The following BBS9 variants were observed in gnomAD, a reference collection of about 807,000 sequenced individuals.
BBS9 encodes protein PTHB1.
BBS9 carries 89 observed loss-of-function variants against 117.7 expected under a neutral mutation model. That is an observed-to-expected ratio of 0.76 (90% confidence interval 0.64 to 0.90). BBS9 has a LOEUF of 0.90. BBS9 is among the 40% of genes least tolerant of loss of function. The probability of loss-of-function intolerance (pLI) is 0.00; values close to 1 mark genes in which losing one functional copy is unlikely to be tolerated. For synonymous variants in BBS9, 379 were observed against 370.9 expected (o/e 1.02, Z -0.25); for missense variants, 982 against 1,042.2 (o/e 0.94, Z 0.80).
intron 9 of BBS9, among the ~76,000 whole-genome samples, chr7:33,321,200 G>T (rs908553036): frequency 3.9e-5 from 6 of 151,928 alleles, no homozygotes; most frequent in Admixed American, 2.0e-4. Context: ...TCTTGCTCAG[G>T]ATAGCTTTGG....
intron 19 of BBS9, among the ~76,000 whole-genome samples, chr7:33,444,659 C>G (rs1372795988): frequency 5.9e-5 from 9 of 152,184 alleles, no homozygotes; most frequent in Middle Eastern, 3.2e-3. Context: ...AGAACGTGTA[C>G]TAAATGAGTG....
At chr7:33,418,544 C>T (rs1832365428) in intron 19 of BBS9, among the ~76,000 whole-genome samples, 2 of 152,170 alleles carry the variant, frequency 1.3e-5, no homozygotes, top group South Asian at 4.1e-4. Context: ...TGGATGAAAA[C>T]AAAGGCTGCC....
At chr7:33,371,221 T>C (rs1563077767) in intron 17 of BBS9, among the ~76,000 whole-genome samples, 1 of 152,176 alleles carries the variant, frequency 6.6e-6, no homozygotes, top group Admixed American at 6.5e-5. Context: ...ATTATAAAGA[T>C]TATGCTTAAG....
intron 19 of BBS9, among the ~76,000 whole-genome samples, chr7:33,457,895 G>A (rs1838877048): frequency 6.6e-6 from 1 of 152,102 alleles, no homozygotes; most frequent in African/African-American, 2.4e-5. Context: ...CCAAATAGTT[G>A]CCATTTATAG....
chr7:33,579,549 A>G (rs1859518598), intron 21 of BBS9, among the ~76,000 whole-genome samples: 1 of 152,176 alleles, frequency 6.6e-6, no homozygotes, highest in Admixed American at 6.6e-5. Context: ...CTCAAACATG[A>G]AAGAAGTTTC....
intron 21 of BBS9, among the ~76,000 whole-genome samples, chr7:33,611,901 A>G (rs996449587): frequency 6.8e-6 from 1 of 147,756 alleles, no homozygotes; most frequent in East Asian, 2.0e-4. Context: ...GATAAAATAT[A>G]TCCTTTAATA....
intron 20 of BBS9, among the ~76,000 whole-genome samples, chr7:33,516,109 C>T (rs1057415289): frequency 3.3e-5 from 5 of 152,184 alleles, no homozygotes; most frequent in Admixed American, 2.6e-4. Flanking sequence ...ATAGCATGAC[C>T]GGAACCTGAA....
chr7:33,314,211 A>C (rs1809952203), intron 9 of BBS9: 2 of 410,340 alleles, frequency 4.9e-6, no homozygotes, highest in East Asian at 7.1e-5. Flanking sequence ...TTAGGTAAGG[A>C]CTTCAATATC....
At chr7:33,473,188 G>A (rs1252859204) in intron 19 of BBS9, among the ~76,000 whole-genome samples, 2 of 152,210 alleles carry the variant, frequency 1.3e-5, no homozygotes, top group African/African-American at 2.4e-5. Flanking sequence ...CTCCAAGTGC[G>A]ATGAACTTTT....
rs1790163834 is a variant in BBS9 at position 33,221,132 on chromosome 7, T to G, written c.443-36104T>G. ...TCACTTTCTCTGTGAAGCTCTGCTGTGTTGGTTGTTTCTGCTTGTTTATAC... is the reference window on the plus strand; with the variant it reads ...TCACTTTCTCTGTGAAGCTCTGCTGGGTTGGTTGTTTCTGCTTGTTTATAC... On this transcript the variant is annotated intron_variant, in intron 5 of 22. Transcript: ENST00000242067. 2.0e-5 allele frequency among the ~76,000 whole-genome samples: 3 copies of G among 152,238 alleles called. No individual in the cohort carries two copies. The South Asian group carries it at 6.2e-4, about 31-fold the overall frequency.
rs950624105 is a variant in BBS9, at chr7:33,605,215, G to T, written c.2653G>T (p.Val885Phe). The T allele has an allele frequency of 8.7e-6, 14 of 1,612,716 alleles. No homozygotes were observed. The highest frequency in any genetic ancestry group is 8.3e-5 in the Admixed American group (5 of 59,982). ...PRPEVSPLQG[V>F]SE is the part of the protein sequence containing the mutation. ...TCCAGAAGTTTCACCCCTCCAAGGAGTCTCGGAATAATTCAAGTAGAGTTG... is the reference window on the plus strand; with the variant it reads ...TCCAGAAGTTTCACCCCTCCAAGGATTCTCGGAATAATTCAAGTAGAGTTG... The change falls in exon 23 of 23, where the codon GTC becomes TTC. Residue 885 changes from valine to phenylalanine, a missense_variant. Transcript: ENST00000242067.
chr7:33,174,452 C>T (rs1478438072), intron 4 of BBS9, among the ~76,000 whole-genome samples: 1 of 152,102 alleles, frequency 6.6e-6, no homozygotes, highest in Non-Finnish European at 1.5e-5. Context: ...CAGAGAGACT[C>T]CAGTGCAGCC....
At chr7:33,582,782 C>A (rs1296484448) in intron 21 of BBS9, among the ~76,000 whole-genome samples, 1 of 152,128 alleles carries the variant, frequency 6.6e-6, no homozygotes, top group Non-Finnish European at 1.5e-5. Context: ...AAAGACTTTT[C>A]TTAATTTAAA....
At chr7:33,454,326 T>G (rs1264447070) in intron 19 of BBS9, among the ~76,000 whole-genome samples, 1 of 151,508 alleles carries the variant, frequency 6.6e-6, no homozygotes, top group African/African-American at 2.4e-5. Context: ...GCCCTATCAC[T>G]CACTTGGCTT....
chr7:33,197,418 AG>A (rs1339312195), intron 5 of BBS9, among the ~76,000 whole-genome samples: 1 of 152,102 alleles, frequency 6.6e-6, no homozygotes, highest in East Asian at 1.9e-4. Flanking sequence ...CATTGCCATG[AG>A]AAATGAACAA....
At chr7:33,536,272 T>C (rs1585167623) in intron 21 of BBS9, among the ~76,000 whole-genome samples, 1 of 152,246 alleles carries the variant, frequency 6.6e-6, no homozygotes, top group African/African-American at 2.4e-5. Flanking sequence ...GACGACCCGC[T>C]TGCCACTCTG....
At chr7:33,405,714 A>G (rs376255715) in intron 19 of BBS9, among the ~76,000 whole-genome samples, 3 of 151,802 alleles carry the variant, frequency 2.0e-5, no homozygotes, top group South Asian at 2.1e-4. Flanking sequence ...TTTTTATTGC[A>G]TCTATTTGAT....
chr7:33,377,433 T>G (rs1405787434), intron 17 of BBS9, among the ~76,000 whole-genome samples: 1 of 152,238 alleles, frequency 6.6e-6, no homozygotes, highest in Non-Finnish European at 1.5e-5. Context: ...CCCTGTAGTA[T>G]AGTCTGAAGT....
At chr7:33,418,098 C>A (rs183342645) in intron 19 of BBS9, among the ~76,000 whole-genome samples, 53 of 152,280 alleles carry the variant, frequency 3.5e-4, no homozygotes, top group Middle Eastern at 3.4e-3. Context: ...GAATGAATTA[C>A]TACAGCCCTT....
Sources: allele counts gnomAD v4.1 joint callset (sites outside exome capture counted in the v4.1 genomes callset), GRCh38; gene constraint gnomAD v4.1.1; transcripts MANE v1.5; gene names NCBI Gene and HGNC (gene_info 2026-07-23, HGNC 2026-07-21).